Variants in FSTL5 observed in about 807,000 individuals in gnomAD.
FSTL5 encodes follistatin-related protein 5.
FSTL5 carries 62 observed loss-of-function variants against 89.1 expected under a neutral mutation model. The ratio of observed to expected loss-of-function variants is 0.70; its 90% confidence interval spans 0.57 to 0.86. The LOEUF is 0.86. FSTL5 is among the 40% of genes least tolerant of loss of function. The probability of loss-of-function intolerance (pLI) is 0.00; values close to 1 mark genes in which losing one functional copy is unlikely to be tolerated. For missense variants in FSTL5, 1,057 were observed against 1,001.6 expected, an observed-to-expected ratio of 1.06 and a Z score of -0.75; for synonymous variants, 383 against 346.2, an observed-to-expected ratio of 1.11 and a Z score of -1.18.
intron 4 of FSTL5, among the ~76,000 whole-genome samples, chr4:161,893,377 T>A (rs1225032204): frequency 6.6e-6 from 1 of 152,168 alleles, no homozygotes; most frequent in Non-Finnish European, 1.5e-5. Flanking sequence ...AGAAAGATTG[T>A]TTTCAAGTTC....
At chr4:161,806,924 ATAGATGAAAACCATAG>A (rs1291507470) in intron 4 of FSTL5, among the ~76,000 whole-genome samples, 1 of 152,130 alleles carries the variant, frequency 6.6e-6, no homozygotes, top group African/African-American at 2.4e-5. Context: ...AGATAGATAG[ATAGATGAAAACCATAG>A]TAGACCTATT....
intron 4 of FSTL5, among the ~76,000 whole-genome samples, chr4:161,836,567 T>G (rs1368694324): frequency 6.6e-6 from 1 of 152,054 alleles, no homozygotes; most frequent in Admixed American, 6.6e-5. Context: ...CCAGTGGTGA[T>G]GAGCTGGTCA....
chr4:161,573,218 T>C (rs1733081614), intron 8 of FSTL5, among the ~76,000 whole-genome samples: 1 of 151,864 alleles, frequency 6.6e-6, no homozygotes, highest in African/African-American at 2.4e-5. Context: ...CGGACCAGCC[T>C]GGTGAACATG....
intron 4 of FSTL5, among the ~76,000 whole-genome samples, chr4:161,814,226 C>G (rs917075887): frequency 6.6e-6 from 1 of 152,086 alleles, no homozygotes; most frequent in Non-Finnish European, 1.5e-5. Flanking sequence ...CATAAAACAT[C>G]AGGACATTTG....
intron 2 of FSTL5, among the ~76,000 whole-genome samples, chr4:162,106,389 A>G (rs1388501728): frequency 6.6e-6 from 1 of 152,168 alleles, no homozygotes; most frequent in East Asian, 1.9e-4. Context: ...TTTGATTATA[A>G]TCATCAGCAA....
rs1481710492 is a variant in FSTL5 at position 161,669,117 on chromosome 4, A to G, written c.728-12623T>C. Among the ~76,000 whole-genome samples the G allele has an allele frequency of 4.7e-5, 7 of 148,866 alleles. No homozygotes were observed. In the South Asian group the frequency reaches 8.6e-4, roughly 18 times the overall value. Reference sequence around the variant, plus strand: ...ACAGAGTGAGACTCTGTCTCAAAAAAAAAAAAAAAATAAAATAAAATAAAA... The same window carrying G: ...ACAGAGTGAGACTCTGTCTCAAAAAGAAAAAAAAAATAAAATAAAATAAAA... On this transcript the variant is annotated intron_variant, in intron 6 of 15. Coordinates refer to ENST00000306100, the MANE Select transcript of FSTL5 (RefSeq NM_020116.5).
At chr4:161,906,011 C>T (rs976401577) in intron 4 of FSTL5, among the ~76,000 whole-genome samples, 3 of 152,126 alleles carry the variant, frequency 2.0e-5, no homozygotes, top group African/African-American at 2.4e-5. Flanking sequence ...GAAGAAAAGA[C>T]ACATTTAAGT....
intron 1 of FSTL5, among the ~76,000 whole-genome samples, chr4:162,111,660 A>C (rs1020079882): frequency 6.6e-6 from 1 of 152,136 alleles, no homozygotes; most frequent in Non-Finnish European, 1.5e-5. Context: ...ACTGATAAAA[A>C]TGTGGTAAGA....
At chr4:162,038,565 T>C (rs985615390) in intron 2 of FSTL5, among the ~76,000 whole-genome samples, 11 of 151,796 alleles carry the variant, frequency 7.2e-5, no homozygotes, top group African/African-American at 2.2e-4. Flanking sequence ...CAAACTGGAG[T>C]TTAGCAAATA....
chr4:162,006,115 T>C (rs933807193), intron 3 of FSTL5, among the ~76,000 whole-genome samples: 1 of 151,998 alleles, frequency 6.6e-6, no homozygotes, highest in Admixed American at 6.6e-5. Flanking sequence ...TAAAATATTA[T>C]AAGTAAGAAA....
At chr4:161,459,167 G>C (rs760604218) in intron 14 of FSTL5, 45 bp downstream of exon 14, 1 of 1,124,508 alleles carries the variant, frequency 8.9e-7, no homozygotes, top group Non-Finnish European at 1.4e-6. Context: ...AATGTTGAAA[G>C]CTTTAAAGAT....
chr4:161,424,024 CTTTTTTT>C (rs11287729), intron 15 of FSTL5, among the ~76,000 whole-genome samples: 64 of 75,382 alleles, frequency 8.5e-4, no homozygotes, highest in Middle Eastern at 0.016. Flanking sequence ...GCCCATCATT[CTTTTTTT>C]TTTTTTTTTT....
At position 161,716,123 on chromosome 4, in the gene FSTL5, G is replaced by A. The variant is rs547828187; in HGVS notation, c.727+43288C>T. Among the ~76,000 whole-genome samples the A allele has an allele frequency of 3.3e-5, 5 of 152,148 alleles. No individual in the cohort carries two copies. The South Asian group carries it at 8.3e-4, about 25-fold the overall frequency. On this transcript the variant is annotated intron_variant, in intron 6 of 15. Transcript: ENST00000306100. ...CCTTGGTACACGGGTCTCCATCACCGTGCAGATCCTTGAATACAGGAAATA... is the reference window on the plus strand; with the variant it reads ...CCTTGGTACACGGGTCTCCATCACCATGCAGATCCTTGAATACAGGAAATA...
At chr4:162,095,874 C>T (rs1351010943) in intron 2 of FSTL5, among the ~76,000 whole-genome samples, 7 of 151,790 alleles carry the variant, frequency 4.6e-5, no homozygotes, top group African/African-American at 9.7e-5. Context: ...TGTGTAAGTA[C>T]GATGATCAAG....
chr4:161,645,521 G>T (rs1206683379), intron 7 of FSTL5, among the ~76,000 whole-genome samples: 1 of 152,068 alleles, frequency 6.6e-6, no homozygotes, highest in Non-Finnish European at 1.5e-5. Flanking sequence ...ATTACAATAT[G>T]CAGTACTCTA....
intron 8 of FSTL5, among the ~76,000 whole-genome samples, chr4:161,551,662 A>AGCC (rs959649118): frequency 6.6e-6 from 1 of 151,988 alleles, no homozygotes; most frequent in Non-Finnish European, 1.5e-5. Context: ...AACAGAACAG[A>AGCC]GCCCTCAGAA....
At chr4:161,558,270 G>A (rs932255848) in intron 8 of FSTL5, among the ~76,000 whole-genome samples, 1 of 151,914 alleles carries the variant, frequency 6.6e-6, no homozygotes, top group East Asian at 1.9e-4. Flanking sequence ...GCTCAGTGTG[G>A]CTCCAAAAGG....
chr4:161,757,293 A>G (rs1740605552), intron 6 of FSTL5, among the ~76,000 whole-genome samples: 1 of 152,086 alleles, frequency 6.6e-6, no homozygotes, highest in Non-Finnish European at 1.5e-5. Context: ...AACTTACTTA[A>G]TATTTTGTAG....
intron 15 of FSTL5, among the ~76,000 whole-genome samples, chr4:161,453,810 T>C (rs2126398147): frequency 6.6e-6 from 1 of 152,170 alleles, no homozygotes; most frequent in Non-Finnish European, 1.5e-5. Context: ...CCCAGGCTGG[T>C]TTCGAACTCC....
Sources: gnomAD v4.1 joint callset for allele counts (sites outside exome capture counted in the v4.1 genomes callset) on GRCh38, gnomAD v4.1.1 for gene constraint, MANE v1.5 for transcripts, NCBI Gene and HGNC (gene_info 2026-07-23, HGNC 2026-07-21) for gene names.